The following TESK2 variants were observed in gnomAD, a reference collection of about 807,000 sequenced individuals.
TESK2 encodes the protein testis associated actin remodelling kinase 2, also known as dual specificity testis-specific protein kinase 2.
In TESK2, 39 loss-of-function variants were observed where a neutral mutation model predicts 57.1. The ratio of observed to expected loss-of-function variants is 0.68; its 90% CI spans 0.53 to 0.89. TESK2 has a LOEUF of 0.89. Ranked by LOEUF, TESK2 falls within the 40% of genes least tolerant of loss-of-function variation. The probability of loss-of-function intolerance (pLI) is 0.00; values close to 1 mark genes in which losing one functional copy is unlikely to be tolerated. For synonymous variants in TESK2, 249 were observed against 267.9 expected (o/e 0.93, Z 0.69); for missense variants, 646 against 732.1 (o/e 0.88, Z 1.36).
At chr1:45,464,977 C>G (rs1242572472) in intron 1 of TESK2, among the ~76,000 whole-genome samples, 1 of 152,138 alleles carries the variant, frequency 6.6e-6, no homozygotes, top group Non-Finnish European at 1.5e-5. Context: ...TGGCTCACAT[C>G]TGTAATCCCA....
chr1:45,458,016 A>G (rs930490370), intron 1 of TESK2, 145 bp from the exon 2 acceptor site: 1 of 491,036 alleles, frequency 2.0e-6, no homozygotes, highest in Non-Finnish European at 3.7e-6. Context: ...TTACCCTCAA[A>G]TAACACTGAT....
rs998739401 is a variant in TESK2, at chr1:45,415,277, G to C, written c.344+6448C>G. On this transcript the variant is annotated intron_variant, in intron 3 of 10. Coordinates refer to ENST00000372086, the MANE Select transcript of TESK2 (RefSeq NM_007170.3). The stretch of plus-strand genomic sequence containing the variant: ...GGCATGAATATTGTGGAGGCCATGG[G>C]GCACTTTGGGTCTGGGAATGGCAAG... 9 of 1,362,528 alleles carry C rather than the reference G, an allele frequency of 6.6e-6. 1 individual carries two copies. The highest frequency in any genetic ancestry group is 1.7e-5 in the Admixed American group (1 of 59,024). 84.4% of individuals were successfully genotyped at this position (1,362,528 alleles called of 1,614,324 possible).
At chr1:45,403,998 A>G (rs1649737462) in intron 3 of TESK2, among the ~76,000 whole-genome samples, 1 of 152,062 alleles carries the variant, frequency 6.6e-6, no homozygotes, top group African/African-American at 2.4e-5. Context: ...TTCAAAAGAG[A>G]ACTAATATCC....
intron 2 of TESK2, among the ~76,000 whole-genome samples, chr1:45,439,013 T>C (rs1221549984): frequency 6.6e-6 from 1 of 152,176 alleles, no homozygotes; most frequent in Non-Finnish European, 1.5e-5. Flanking sequence ...GTTGTGACAC[T>C]GAGGCCACCG....
intron 1 of TESK2, among the ~76,000 whole-genome samples, chr1:45,465,902 A>G (rs1204112789): frequency 6.6e-6 from 1 of 152,236 alleles, no homozygotes; most frequent in Non-Finnish European, 1.5e-5. Context: ...AAAGTAATGT[A>G]GAGTTGGGGA....
At position 45,344,927 on chromosome 1, in the gene TESK2, C is replaced by T. The variant is rs1380142799; in HGVS notation, c.1629G>A (p.Glu543=). 7 of 1,614,232 alleles carry T rather than the reference C, an allele frequency of 4.3e-6. No individual in the cohort carries two copies. Among genetic ancestry groups the T allele is most frequent in the East Asian group, 2.2e-5 (1 of 44,890 alleles). Residue 543 remains glutamate, a synonymous_variant, in exon 11 of 11, where the codon GAG becomes GAA. Coordinates refer to ENST00000372086, the MANE Select transcript of TESK2 (RefSeq NM_007170.3). ...TTGAGCCTGCTGGCCTTTCTTCTAC[C>T]TCCATCTCCTCAGAAGCACCCGCAG... ...PCPAGASEEM[E]VEERPAGSTP...
chr1:45,465,616 A>G (rs941227785), intron 1 of TESK2, among the ~76,000 whole-genome samples: 3 of 152,188 alleles, frequency 2.0e-5, no homozygotes, highest in African/African-American at 7.2e-5. Context: ...CAATAGACTA[A>G]ATTTTGGTAT....
At chr1:45,402,216 C>T (rs1048136349) in intron 3 of TESK2, among the ~76,000 whole-genome samples, 1 of 150,750 alleles carries the variant, frequency 6.6e-6, no homozygotes. Flanking sequence ...ATAGTGAGAC[C>T]CTGTCTCTAA....
Position 45,385,710 on chromosome 1 carries a change from G to GTATATATATATATATATATATATA in TESK2, c.393+178_393+201dup, listed in dbSNP as rs754585734. On this transcript the variant is annotated intron_variant, in intron 4 of 10. Coordinates refer to ENST00000372086, the MANE Select transcript of TESK2 (RefSeq NM_007170.3). ...ACTTAAAGTGTATGTGTGTGTGTGT[G>GTATATATATATATATATATATATA]TATATATATATATATATATATATAT... 2.8e-3 allele frequency among the ~76,000 whole-genome samples: 381 copies of GTATATATATATATATATATATATA among 135,104 alleles called. 10 individuals are homozygous for GTATATATATATATATATATATATA. The highest frequency in any genetic ancestry group is 0.011 in the African/African-American group (362 of 33,666). 88.6% of individuals were successfully genotyped at this position (135,104 alleles called of 152,430 possible). A position where few individuals can be genotyped will look rare whatever the true frequency, so the allele number is the denominator to read the frequency against.
intron 8 of TESK2, 72 bp downstream of exon 8, chr1:45,346,907 C>G: frequency 6.3e-7 from 1 of 1,575,906 alleles, no homozygotes; most frequent in East Asian, 2.2e-5. Flanking sequence ...CAAGTCCATC[C>G]CAGGGACAGA....
At chr1:45,428,512 AT>A (rs560698691) in intron 2 of TESK2, among the ~76,000 whole-genome samples, 16 of 151,190 alleles carry the variant, frequency 1.1e-4, no homozygotes, top group African/African-American at 3.2e-4. Context: ...CTTTATTTTT[AT>A]TTTTTTTTAA....
chr1:45,470,876 C>T (rs1246473874), intron 1 of TESK2, among the ~76,000 whole-genome samples: 1 of 152,086 alleles, frequency 6.6e-6, no homozygotes, highest in African/African-American at 2.4e-5. Context: ...CCATTATTAC[C>T]CCCAATTTAC....
intron 4 of TESK2, among the ~76,000 whole-genome samples, chr1:45,382,941 C>T (rs140665132): frequency 3.2e-4 from 48 of 152,222 alleles, no homozygotes; most frequent in Middle Eastern, 3.4e-3. Context: ...CTGACTGTTC[C>T]AAGTTCAATT....
chr1:45,463,769 T>G (rs1319145671), intron 1 of TESK2, among the ~76,000 whole-genome samples: 3 of 151,948 alleles, frequency 2.0e-5, no homozygotes, highest in Non-Finnish European at 4.4e-5. Context: ...ACTTTTTTTT[T>G]GTAGAGACAA....
intron 2 of TESK2, among the ~76,000 whole-genome samples, chr1:45,424,510 A>T (rs1307387147): frequency 6.6e-6 from 1 of 152,214 alleles, no homozygotes; most frequent in Admixed American, 6.5e-5. Flanking sequence ...GTAGCTTTCC[A>T]TTTCAGATCC....
chr1:45,475,085 A>G (rs201562858), intron 1 of TESK2, among the ~76,000 whole-genome samples: 27,679 of 145,984 alleles, frequency 0.19, 3,046 homozygotes, highest in Non-Finnish European at 0.25. Flanking sequence ...AAAAAAAAGA[A>G]AAGAAAAGAA....
intron 1 of TESK2, among the ~76,000 whole-genome samples, chr1:45,468,721 C>A (rs867772210): frequency 6.6e-6 from 1 of 152,058 alleles, no homozygotes; most frequent in Non-Finnish European, 1.5e-5. Flanking sequence ...CATCACATTA[C>A]CAGAAAAACA....
intron 2 of TESK2, among the ~76,000 whole-genome samples, chr1:45,448,531 C>T (rs150168532): frequency 0.013 from 1,940 of 151,982 alleles, 14 homozygotes; most frequent in Non-Finnish European, 0.021. Flanking sequence ...AGGAAGGTGA[C>T]GGGGTGGGGG....
intron 2 of TESK2, among the ~76,000 whole-genome samples, chr1:45,435,304 T>C (rs572511894): frequency 6.6e-6 from 1 of 152,086 alleles, no homozygotes; most frequent in Non-Finnish European, 1.5e-5. Context: ...TTTTTTTGTA[T>C]TGTTTGCAGA....
Sources: allele counts gnomAD v4.1 joint callset (sites outside exome capture counted in the v4.1 genomes callset), GRCh38; gene constraint gnomAD v4.1.1; transcripts MANE v1.5; gene names NCBI Gene and HGNC (gene_info 2026-07-23, HGNC 2026-07-21).